PGM5: variants seen among roughly 807,000 people sequenced by gnomAD.
PGM5 encodes the protein phosphoglucomutase-like protein 5.
A neutral mutation model predicts 59.2 loss-of-function variants in PGM5; 23 were observed. The observed-to-expected ratio is 0.39, with a 90% CI of 0.28 to 0.55. The LOEUF is 0.55. PGM5 is among the 20% of genes least tolerant of loss of function. The pLI, the probability that PGM5 is intolerant of heterozygous loss-of-function variation, is 0.66. For missense variants in PGM5, 574 were observed against 748.3 expected (o/e 0.77, Z 2.72); for synonymous variants, 214 against 286.0 (o/e 0.75, Z 2.54).
chr9:68,446,185 A>G (rs888710235), intron 6 of PGM5, among the ~76,000 whole-genome samples: 3 of 152,260 alleles, frequency 2.0e-5, no homozygotes, highest in Non-Finnish European at 2.9e-5. Flanking sequence ...AATTTAAATA[A>G]TGTCACAACT....
chr9:68,368,903 C>A (rs1834731566), intron 1 of PGM5, among the ~76,000 whole-genome samples: 1 of 152,240 alleles, frequency 6.6e-6, no homozygotes, highest in Non-Finnish European at 1.5e-5. Context: ...TCTTGGTTTC[C>A]CAAAGTGCTG....
chr9:68,485,941 C>G (rs1554687507), intron 9 of PGM5, among the ~76,000 whole-genome samples: 2 of 152,252 alleles, frequency 1.3e-5, no homozygotes, highest in Admixed American at 6.5e-5. Context: ...ACAGATGGTT[C>G]CTTTGCTGCC....
At chr9:68,393,398 G>C (rs1350751662) in intron 6 of PGM5, among the ~76,000 whole-genome samples, 3 of 151,342 alleles carry the variant, frequency 2.0e-5, no homozygotes, top group African/African-American at 7.3e-5. Flanking sequence ...ACATCAAAAA[G>C]CACATTGCTT....
At chr9:68,408,306 G>C (rs1171801901) in intron 6 of PGM5, among the ~76,000 whole-genome samples, 1 of 152,240 alleles carries the variant, frequency 6.6e-6, no homozygotes, top group Non-Finnish European at 1.5e-5. Context: ...GCATGCCATT[G>C]AGCCAAGGTG....
intron 10 of PGM5, among the ~76,000 whole-genome samples, chr9:68,509,301 AG>A (rs1431996894): frequency 1.3e-5 from 2 of 152,234 alleles, no homozygotes; most frequent in Admixed American, 6.5e-5. Context: ...GGCCTTGGGC[AG>A]GAGGGAAAGC....
Position 68,448,263 on chromosome 9 carries a change from C to G in PGM5, c.1044-16830C>G, listed in dbSNP as rs191463489. ...GTATGTGTCCTCCAAAGGTATGAAC[C>G]CTCTGTTCTGGGACAGGTCTAGCAG... On this transcript the variant is annotated intron_variant, in intron 6 of 10. Coordinates refer to ENST00000396396, the MANE Select transcript of PGM5 (RefSeq NM_021965.4). 6.1e-3 allele frequency among the ~76,000 whole-genome samples: 925 copies of G among 152,114 alleles called. 3 individuals carry two copies. Among genetic ancestry groups the G allele is most frequent in the Non-Finnish European group, 9.9e-3 (674 of 67,978 alleles).
chr9:68,381,640 G>GCACACACACA (rs4014841), intron 2 of PGM5, among the ~76,000 whole-genome samples: 1 of 145,288 alleles, frequency 6.9e-6, no homozygotes, highest in African/African-American at 2.6e-5. Flanking sequence ...TTCTACACAT[G>GCACACACACA]CACACACACA....
intron 2 of PGM5, 48 bp downstream of exon 2, chr9:68,378,409 A>T: frequency 6.6e-7 from 1 of 1,517,040 alleles, no homozygotes; most frequent in Non-Finnish European, 8.8e-7. Flanking sequence ...CTTTCCTCTT[A>T]TATTATTATA....
At chr9:68,451,733 G>C (rs1334944580) in intron 6 of PGM5, among the ~76,000 whole-genome samples, 4 of 152,124 alleles carry the variant, frequency 2.6e-5, no homozygotes, top group Admixed American at 2.6e-4. Flanking sequence ...TCTACTTCCT[G>C]CTACACCAGA....
chr9:68,508,944 G>T (rs1055244619), intron 10 of PGM5, among the ~76,000 whole-genome samples: 1 of 152,206 alleles, frequency 6.6e-6, no homozygotes, highest in Non-Finnish European at 1.5e-5. Flanking sequence ...CTTAACAAAT[G>T]GGGACTGACA....
chr9:68,473,605 G>T (rs1214095945), intron 7 of PGM5, among the ~76,000 whole-genome samples: 2 of 152,176 alleles, frequency 1.3e-5, no homozygotes, highest in Non-Finnish European at 2.9e-5. Flanking sequence ...CTGGTGCCTT[G>T]CTGCTTTCTT....
intron 10 of PGM5, among the ~76,000 whole-genome samples, chr9:68,512,975 C>G (rs1211691282): frequency 6.6e-6 from 1 of 152,138 alleles, no homozygotes; most frequent in Non-Finnish European, 1.5e-5. Context: ...AACATAAAAA[C>G]CATTTTTATG....
intron 6 of PGM5, among the ~76,000 whole-genome samples, chr9:68,420,724 G>A (rs1457127233): frequency 3.9e-5 from 6 of 152,082 alleles, no homozygotes; most frequent in Non-Finnish European, 8.8e-5. Flanking sequence ...GATGTTCGTC[G>A]GGAGACACAA....
Position 68,416,385 on chromosome 9 carries a change from A to G in PGM5, c.1043+23912A>G, listed in dbSNP as rs879961318. 6.6e-5 allele frequency among the ~76,000 whole-genome samples: 10 copies of G among 152,292 alleles called. No individual in the cohort carries two copies. In the East Asian group the frequency reaches 9.7e-4, roughly 15 times the overall value. On this transcript the variant is annotated intron_variant, in intron 6 of 10. Coordinates refer to ENST00000396396, the MANE Select transcript of PGM5 (RefSeq NM_021965.4). Reference sequence around the variant, plus strand: ...TCATGGGCCCCTAGCGTGCTCATGCAGGATTAAGTTTCAGTTGCCTACTGT... The same window carrying G: ...TCATGGGCCCCTAGCGTGCTCATGCGGGATTAAGTTTCAGTTGCCTACTGT...
At chr9:68,443,493 T>G (rs1554683814) in intron 6 of PGM5, among the ~76,000 whole-genome samples, 1 of 152,224 alleles carries the variant, frequency 6.6e-6, no homozygotes, top group East Asian at 1.9e-4. Flanking sequence ...AAAGTCAATT[T>G]CACTGTAGGT....
intron 6 of PGM5, among the ~76,000 whole-genome samples, chr9:68,434,316 C>CAAAAAAAAAAAAAA (rs71353054): frequency 1.5e-3 from 138 of 90,726 alleles, no homozygotes; most frequent in Non-Finnish European, 2.0e-3. Flanking sequence ...GACTCCGTCT[C>CAAAAAAAAAAAAAA]AAAAAAAAAA....
rs1554679476 is a variant in PGM5, at chr9:68,391,678, T to A, written c.842T>A (p.Met281Lys). ...LTYATTLLEA[M>K]KGGEYGFGAA... ...TATGCAACGACTCTTCTGGAAGCAA[T>A]GAAAGGAGGAGAATATGGATTTGGA... is the stretch of plus-strand genomic sequence containing the variant. Residue 281 changes from methionine to lysine, a missense_variant, in exon 5 of 11, where the codon ATG (methionine) becomes AAG (lysine). By Grantham distance (95) the Met-to-Lys change is moderately conservative. Transcript: ENST00000396396. 1 of 1,613,024 alleles carries A rather than the reference T, an allele frequency of 6.2e-7. No individual in the cohort carries two copies. Among genetic ancestry groups the A allele is most frequent in the South Asian group, 1.1e-5 (1 of 91,054 alleles).
intron 6 of PGM5, among the ~76,000 whole-genome samples, chr9:68,423,816 C>T (rs1484783387): frequency 6.6e-6 from 1 of 152,132 alleles, no homozygotes; most frequent in Non-Finnish European, 1.5e-5. Flanking sequence ...CACGCATACA[C>T]GTAACTCCAT....
chr9:68,517,891 T>C (rs970598435), intron 10 of PGM5, among the ~76,000 whole-genome samples: 3 of 151,996 alleles, frequency 2.0e-5, no homozygotes, highest in Non-Finnish European at 4.4e-5. Context: ...AGGAAAAGGG[T>C]TGGCACTCAG....
Sources: allele counts gnomAD v4.1 joint callset (sites outside exome capture counted in the v4.1 genomes callset), GRCh38; gene constraint gnomAD v4.1.1; transcripts MANE v1.5; gene names NCBI Gene and HGNC (gene_info 2026-07-23, HGNC 2026-07-21).